The following ZNF385D variants were observed in gnomAD, a reference collection of about 807,000 sequenced individuals.
ZNF385D encodes the protein zinc finger protein 659.
Under a neutral mutation model 35.8 loss-of-function variants are expected in ZNF385D, and 15 were observed. The ratio of observed to expected loss-of-function variants is 0.42; its 90% confidence interval spans 0.28 to 0.64. The LOEUF (loss-of-function observed/expected upper bound fraction) is 0.64, where lower values mean the gene tolerates loss of function less well. Ranked by LOEUF, ZNF385D falls within the 30% of genes least tolerant of loss-of-function variation. The probability of loss-of-function intolerance (pLI) is 0.23; values close to 1 mark genes in which losing one functional copy is unlikely to be tolerated. For synonymous variants in ZNF385D, 212 were observed against 186.8 expected, an observed-to-expected ratio of 1.13 and a Z score of -1.10; for missense variants, 474 against 494.6, an observed-to-expected ratio of 0.96 and a Z score of 0.39.
chr3:22,077,873 C>G (rs868589804), intron 3 of ZNF385D, among the ~76,000 whole-genome samples: 43 of 151,972 alleles, frequency 2.8e-4, no homozygotes, highest in Middle Eastern at 6.8e-3. Flanking sequence ...GTGAGACACC[C>G]CCCACTCCAC....
At chr3:22,156,029 T>A (rs770990197) in intron 3 of ZNF385D, among the ~76,000 whole-genome samples, 1 of 152,086 alleles carries the variant, frequency 6.6e-6, no homozygotes, top group Non-Finnish European at 1.5e-5. Flanking sequence ...GTAACTCCCA[T>A]GTATGACATC....
chr3:22,087,214 T>G (rs1423965596), intron 3 of ZNF385D, among the ~76,000 whole-genome samples: 4 of 150,190 alleles, frequency 2.7e-5, no homozygotes, highest in Non-Finnish European at 5.9e-5. Context: ...AACAGTAAAA[T>G]TAAGCAATAA....
chr3:22,346,979 T>A (rs369881101), intron 2 of ZNF385D, among the ~76,000 whole-genome samples: 1 of 152,190 alleles, frequency 6.6e-6, no homozygotes, highest in Non-Finnish European at 1.5e-5. Flanking sequence ...TCCACCTAAG[T>A]AGTTGACCAT....
At chr3:22,323,732 T>C (rs895147688) in intron 2 of ZNF385D, among the ~76,000 whole-genome samples, 9 of 152,218 alleles carry the variant, frequency 5.9e-5, no homozygotes, top group African/African-American at 1.7e-4. Flanking sequence ...CTTTATTATG[T>C]ACTTAAAATA....
At chr3:21,731,006 A>G (rs540809372) in intron 1 of ZNF385D, among the ~76,000 whole-genome samples, 51 of 152,356 alleles carry the variant, frequency 3.3e-4, no homozygotes, top group African/African-American at 1.2e-3. Flanking sequence ...TGATATGTCT[A>G]AGTAAACTTT....
chr3:22,185,421 C>T (rs1695563243), intron 2 of ZNF385D, among the ~76,000 whole-genome samples: 1 of 152,110 alleles, frequency 6.6e-6, no homozygotes, highest in Non-Finnish European at 1.5e-5. Context: ...ATCTCTTTTT[C>T]CTAAAACAAA....
intron 3 of ZNF385D, among the ~76,000 whole-genome samples, chr3:21,532,023 T>C (rs541617968): frequency 6.6e-6 from 1 of 152,222 alleles, no homozygotes; most frequent in South Asian, 2.1e-4. Flanking sequence ...TACCTTCTGC[T>C]TAATACTACT....
chr3:21,446,525 A>ACT (rs1403729318), intron 4 of ZNF385D, among the ~76,000 whole-genome samples: 3 of 116,928 alleles, frequency 2.6e-5, no homozygotes, highest in African/African-American at 1.1e-4. Context: ...ACAGAGTCTC[A>ACT]CTCTATCATG....
chr3:21,615,995 T>C (rs1228883292), intron 2 of ZNF385D, among the ~76,000 whole-genome samples: 1 of 152,012 alleles, frequency 6.6e-6, no homozygotes. Flanking sequence ...AATTAAGAAA[T>C]AGAATTAATT....
intron 3 of ZNF385D, among the ~76,000 whole-genome samples, chr3:21,549,827 C>T (rs978565964): frequency 2.0e-5 from 3 of 152,172 alleles, no homozygotes; most frequent in Admixed American, 1.3e-4. Context: ...TCAAAGCTGC[C>T]TGAAAATTTA....
intron 3 of ZNF385D, among the ~76,000 whole-genome samples, chr3:21,822,216 C>G (rs1314549159): frequency 6.6e-6 from 1 of 151,892 alleles, no homozygotes; most frequent in Non-Finnish European, 1.5e-5. Context: ...GGACTACAGG[C>G]AGCCACCACC....
At chr3:21,823,005 A>C (rs1416312851) in intron 3 of ZNF385D, among the ~76,000 whole-genome samples, 1 of 152,208 alleles carries the variant, frequency 6.6e-6, no homozygotes, top group Non-Finnish European at 1.5e-5. Flanking sequence ...ACAAAGATGC[A>C]ATCAAAACAG....
intron 2 of ZNF385D, among the ~76,000 whole-genome samples, chr3:21,617,241 G>T (rs1421797883): frequency 6.6e-6 from 1 of 152,168 alleles, no homozygotes; most frequent in African/African-American, 2.4e-5. Context: ...GCTCTCATGT[G>T]CTCAAAACAA....
intron 2 of ZNF385D, among the ~76,000 whole-genome samples, chr3:22,268,209 T>C (rs2125356697): frequency 6.6e-6 from 1 of 152,136 alleles, no homozygotes; most frequent in Admixed American, 6.6e-5. Flanking sequence ...AGTGTCACTC[T>C]GATGCTGTCA....
intron 3 of ZNF385D, among the ~76,000 whole-genome samples, chr3:22,112,820 G>T (rs893808661): frequency 6.6e-6 from 1 of 151,374 alleles, no homozygotes; most frequent in African/African-American, 2.4e-5. Context: ...CTCAGGGAAT[G>T]AACTGTCACC....
intron 2 of ZNF385D, among the ~76,000 whole-genome samples, chr3:22,250,474 C>A (rs1212787231): frequency 1.3e-5 from 2 of 151,946 alleles, no homozygotes; most frequent in African/African-American, 4.8e-5. Flanking sequence ...CTTAACTGAT[C>A]CATTAGGAGT....
chr3:22,214,395 A>T (rs534266968), intron 2 of ZNF385D, among the ~76,000 whole-genome samples: 52 of 152,184 alleles, frequency 3.4e-4, no homozygotes, highest in South Asian at 1.9e-3. Context: ...AACAATATGA[A>T]ATCTGGGCAC....
At chr3:21,669,622 C>G (rs2125277084) in intron 1 of ZNF385D, among the ~76,000 whole-genome samples, 1 of 152,224 alleles carries the variant, frequency 6.6e-6, no homozygotes, top group South Asian at 2.1e-4. Flanking sequence ...TAAATAGGAA[C>G]TCTAAACCAG....
intron 2 of ZNF385D, among the ~76,000 whole-genome samples, chr3:21,651,285 C>T (rs1190924402): frequency 3.0e-5 from 1 of 33,090 alleles, no homozygotes; most frequent in Admixed American, 5.8e-4. Flanking sequence ...GAGACTTCAT[C>T]TCAAAAAAAA....
Sources: gnomAD v4.1 joint callset for allele counts (sites outside exome capture counted in the v4.1 genomes callset) on GRCh38, gnomAD v4.1.1 for gene constraint, MANE v1.5 for transcripts, NCBI Gene and HGNC (gene_info 2026-07-23, HGNC 2026-07-21) for gene names.